The following EPS15 variants were observed in gnomAD, a reference collection of about 807,000 sequenced individuals.
EPS15 encodes epidermal growth factor receptor substrate 15.
A neutral mutation model predicts 113.8 loss-of-function variants in EPS15; 72 were observed. That is an observed-to-expected ratio of 0.63 (90% confidence interval 0.52 to 0.77). EPS15 has a LOEUF of 0.77. Among genes scored for constraint, EPS15 ranks in the 30% least tolerant of loss-of-function variants. The pLI, the probability that EPS15 is intolerant of heterozygous loss-of-function variation, is 0.00. For synonymous variants in EPS15, 344 were observed against 363.4 expected (o/e 0.95, Z 0.61); for missense variants, 1,048 against 1,045.8 (o/e 1.00, Z -0.03).
chr1:51,489,179 T>C (rs1408279113), intron 1 of EPS15, among the ~76,000 whole-genome samples: 1 of 151,252 alleles, frequency 6.6e-6, no homozygotes, highest in Non-Finnish European at 1.5e-5. Flanking sequence ...ACTGCTATTT[T>C]TGTTAAGGAA....
chr1:51,472,833 A>C, intron 3 of EPS15, 26 bp downstream of exon 3: 2 of 1,524,754 alleles, frequency 1.3e-6, no homozygotes, highest in Non-Finnish European at 1.8e-6. Flanking sequence ...CAAACTTATA[A>C]TCTAGTTATA....
chr1:51,390,442 A>C (rs145389817), intron 21 of EPS15, among the ~76,000 whole-genome samples: 4,588 of 152,318 alleles, frequency 0.03, 110 homozygotes, highest in Non-Finnish European at 0.047. Context: ...AAGCAATGAC[A>C]ACAGAAGCCA....
At position 51,396,750 on chromosome 1, in the gene EPS15, T is replaced by G. The variant is rs555524921; in HGVS notation, c.2052+2282A>C. On this transcript the variant is annotated intron_variant, in intron 20 of 24. Coordinates refer to ENST00000371733, the MANE Select transcript of EPS15 (RefSeq NM_001981.3). ...AGGAATAAGGGGCCACAAAACTCTA[T>G]GTCAGTTTGATAATTGGGGAGTTTA... Among the ~76,000 whole-genome samples the G allele has an allele frequency of 5.9e-5, 9 of 152,294 alleles. No homozygotes were observed. In the South Asian group the frequency reaches 1.9e-3, roughly 32 times the overall value.
intron 2 of EPS15, among the ~76,000 whole-genome samples, chr1:51,474,603 T>TA (rs1655472536): frequency 6.6e-6 from 1 of 152,230 alleles, no homozygotes; most frequent in African/African-American, 2.4e-5. Context: ...TTCTAATAGC[T>TA]ATGTGCATAA....
chr1:51,490,961 A>T (rs1364135413), intron 1 of EPS15, among the ~76,000 whole-genome samples: 1 of 152,182 alleles, frequency 6.6e-6, no homozygotes, highest in African/African-American at 2.4e-5. Flanking sequence ...AAATTGGATG[A>T]AGGGTGCATA....
chr1:51,402,185 T>C (rs781058443), intron 18 of EPS15, among the ~76,000 whole-genome samples: 6 of 149,364 alleles, frequency 4.0e-5, no homozygotes, highest in Non-Finnish European at 8.9e-5. Context: ...CATACATACA[T>C]ACATACATAA....
intron 20 of EPS15, among the ~76,000 whole-genome samples, chr1:51,395,309 A>T (rs900933325): frequency 1.3e-5 from 2 of 152,184 alleles, no homozygotes; most frequent in African/African-American, 4.8e-5. Context: ...ACTATAAACC[A>T]TAGATTTTAT....
At chr1:51,377,136 C>T (rs1013490436) in intron 21 of EPS15, among the ~76,000 whole-genome samples, 1 of 152,012 alleles carries the variant, frequency 6.6e-6, no homozygotes, top group African/African-American at 2.4e-5. Context: ...AGCGTGGTGG[C>T]GGGCGTAATC....
chr1:51,478,083 G>T (rs1230217957), intron 2 of EPS15, among the ~76,000 whole-genome samples: 1 of 152,132 alleles, frequency 6.6e-6, no homozygotes. Flanking sequence ...TACTGTGTGG[G>T]AGTCTAAGTC....
At chr1:51,361,760 AAC>A (rs558113300) in intron 23 of EPS15, among the ~76,000 whole-genome samples, 24 of 152,330 alleles carry the variant, frequency 1.6e-4, no homozygotes, top group African/African-American at 5.5e-4. Context: ...TCAGCCTGAT[AAC>A]AGTTATCCAC....
intron 12 of EPS15, among the ~76,000 whole-genome samples, chr1:51,436,689 T>C (rs559537390): frequency 7.9e-4 from 120 of 152,050 alleles, no homozygotes; most frequent in Non-Finnish European, 1.6e-3. Context: ...AAGATGAGAT[T>C]TGAAGAGTGA....
intron 1 of EPS15, among the ~76,000 whole-genome samples, chr1:51,509,405 T>C (rs1238157219): frequency 1.3e-5 from 2 of 152,136 alleles, no homozygotes; most frequent in African/African-American, 4.8e-5. Flanking sequence ...CTAAAATCTA[T>C]CAATTTACCT....
chr1:51,490,014 T>C (rs1456127356), intron 1 of EPS15, among the ~76,000 whole-genome samples: 1 of 152,206 alleles, frequency 6.6e-6, no homozygotes. Context: ...CAGCATAATC[T>C]AGCAAATGTT....
chr1:51,473,069 T>TTTC, intron 2 of EPS15, 121 bp from the exon 3 acceptor site: 1 of 730,878 alleles, frequency 1.4e-6, no homozygotes, highest in Non-Finnish European at 2.4e-6. Context: ...ATGAGAATCC[T>TTTC]TTGACTACCA....
chr1:51,363,037 C>G (rs1165152338), intron 23 of EPS15, among the ~76,000 whole-genome samples: 2 of 152,122 alleles, frequency 1.3e-5, no homozygotes, highest in Non-Finnish European at 2.9e-5. Flanking sequence ...GTGGCTCACA[C>G]CTGTAATCCC....
intron 21 of EPS15, among the ~76,000 whole-genome samples, chr1:51,366,903 T>G (rs768085507): frequency 1.7e-4 from 26 of 152,322 alleles, no homozygotes; most frequent in Non-Finnish European, 3.1e-4. Flanking sequence ...GGTAAGGTCC[T>G]TGAAAACAGG....
chr1:51,472,131 T>C (rs954367459), intron 3 of EPS15, among the ~76,000 whole-genome samples: 2 of 152,140 alleles, frequency 1.3e-5, no homozygotes, highest in African/African-American at 4.8e-5. Context: ...CCTGATTTAG[T>C]GCAACCCTTC....
chr1:51,440,802 G>A (rs1046047857), intron 11 of EPS15, among the ~76,000 whole-genome samples: 19 of 151,940 alleles, frequency 1.3e-4, no homozygotes, highest in African/African-American at 4.3e-4. Context: ...AGAAACTGAT[G>A]GTGATTTATT....
At chr1:51,444,765 T>C in intron 11 of EPS15, 124 bp downstream of exon 11, 1 of 929,410 alleles carries the variant, frequency 1.1e-6, no homozygotes, top group Non-Finnish European at 1.6e-6. Flanking sequence ...CCACAAACAG[T>C]ATACTGTTCT....
Sources: allele counts gnomAD v4.1 joint callset (sites outside exome capture counted in the v4.1 genomes callset), GRCh38; gene constraint gnomAD v4.1.1; transcripts MANE v1.5; gene names NCBI Gene and HGNC (gene_info 2026-07-23, HGNC 2026-07-21).